The following CPED1 variants were observed in gnomAD, a reference collection of about 807,000 sequenced individuals.
CPED1 encodes cadherin-like and PC-esterase domain-containing protein 1.
Under a neutral mutation model 128.2 loss-of-function variants are expected in CPED1, and 114 were observed. The ratio of observed to expected loss-of-function variants is 0.89; its 90% CI spans 0.76 to 1.04. The LOEUF (loss-of-function observed/expected upper bound fraction) is 1.04. CPED1 is among the 50% of genes least tolerant of loss of function. The pLI, the probability that CPED1 is intolerant of heterozygous loss-of-function variation, is 0.00. For synonymous variants in CPED1, 462 were observed against 426.7 expected (o/e 1.08, Z -1.02); for missense variants, 1,211 against 1,207.1 (o/e 1.00, Z -0.05).
intron 7 of CPED1, among the ~76,000 whole-genome samples, chr7:121,118,001 C>T (rs944874295): frequency 1.3e-5 from 2 of 151,490 alleles, no homozygotes; most frequent in Non-Finnish European, 2.9e-5. Flanking sequence ...GGTAACAAAT[C>T]CTTCACAATT....
intron 5 of CPED1, among the ~76,000 whole-genome samples, chr7:121,093,138 C>T (rs141324757): frequency 1.3e-5 from 2 of 152,122 alleles, no homozygotes; most frequent in African/African-American, 4.8e-5. Context: ...TTTGCCATTT[C>T]TACCTACTGA....
At chr7:121,103,077 A>G (rs1794892885) in intron 7 of CPED1, among the ~76,000 whole-genome samples, 1 of 152,066 alleles carries the variant, frequency 6.6e-6, no homozygotes, top group Non-Finnish European at 1.5e-5. Flanking sequence ...GATAGTTTTT[A>G]TTTATGTATT....
At chr7:121,128,034 T>A (rs1276915681) in intron 10 of CPED1, among the ~76,000 whole-genome samples, 1 of 152,160 alleles carries the variant, frequency 6.6e-6, no homozygotes, top group Non-Finnish European at 1.5e-5. Flanking sequence ...AATGCTATTT[T>A]TTTTTAAGCA....
chr7:121,145,690 T>C (rs941210342), intron 16 of CPED1, among the ~76,000 whole-genome samples: 1 of 152,108 alleles, frequency 6.6e-6, no homozygotes, highest in Non-Finnish European at 1.5e-5. Flanking sequence ...ATTTCTCTTT[T>C]ATATTTAATC....
At chr7:121,084,195 AC>A (rs1230724278) in intron 5 of CPED1, among the ~76,000 whole-genome samples, 1 of 151,890 alleles carries the variant, frequency 6.6e-6, no homozygotes, top group African/African-American at 2.4e-5. Flanking sequence ...CAATTCTCTC[AC>A]TCCTATCAGA....
intron 7 of CPED1, among the ~76,000 whole-genome samples, chr7:121,117,924 CAAAAA>C (rs34781215): frequency 6.9e-6 from 1 of 145,630 alleles, no homozygotes; most frequent in African/African-American, 2.5e-5. Context: ...AAACATTTGC[CAAAAA>C]AAAAAAAAGA....
intron 18 of CPED1, among the ~76,000 whole-genome samples, chr7:121,248,380 G>A (rs78422657): frequency 0.038 from 5,742 of 152,118 alleles, 354 homozygotes; most frequent in African/African-American, 0.13. Context: ...TGATTAAAGG[G>A]GGCTCCCCAA....
At chr7:121,176,211 A>T (rs1292157504) in intron 16 of CPED1, among the ~76,000 whole-genome samples, 1 of 145,834 alleles carries the variant, frequency 6.9e-6, no homozygotes, top group Non-Finnish European at 1.5e-5. Context: ...AAAAAAAAAA[A>T]AAAAACACCT....
intron 5 of CPED1, among the ~76,000 whole-genome samples, chr7:121,096,105 ATTAAC>A (rs941169789): frequency 1.3e-5 from 2 of 152,146 alleles, no homozygotes; most frequent in African/African-American, 4.8e-5. Flanking sequence ...AGAAAAGAAA[ATTAAC>A]TTAATGGCTG....
chr7:121,261,490 CTA>C (rs1792014788), intron 18 of CPED1: 1 of 1,220,748 alleles, frequency 8.2e-7, no homozygotes, highest in African/African-American at 1.5e-5. Context: ...CACAACTTGA[CTA>C]TATTTCTCAG....
At chr7:121,030,709 C>A (rs1226499099) in intron 3 of CPED1, among the ~76,000 whole-genome samples, 1 of 151,882 alleles carries the variant, frequency 6.6e-6, no homozygotes, top group African/African-American at 2.4e-5. Context: ...TCTTAATGTG[C>A]CTAATTTATA....
chr7:121,179,004 C>T (rs1419737072), intron 16 of CPED1, among the ~76,000 whole-genome samples: 3 of 151,936 alleles, frequency 2.0e-5, no homozygotes, highest in Non-Finnish European at 4.4e-5. Flanking sequence ...AGTTTGGAGC[C>T]AGCACATACA....
intron 16 of CPED1, among the ~76,000 whole-genome samples, chr7:121,204,124 C>T (rs542508017): frequency 8.5e-5 from 13 of 152,204 alleles, no homozygotes; most frequent in South Asian, 4.2e-4. Context: ...AAACCTCTTT[C>T]GCCTATTTAA....
At chr7:121,292,207 CCTTTT>C (rs1792719175) in intron 22 of CPED1, among the ~76,000 whole-genome samples, 2 of 151,662 alleles carry the variant, frequency 1.3e-5, no homozygotes, top group African/African-American at 4.8e-5. Context: ...TTTGTTCATT[CCTTTT>C]CTTTTCATTC....
At chr7:121,227,510 A>G (rs1046855213) in intron 16 of CPED1, among the ~76,000 whole-genome samples, 4 of 152,112 alleles carry the variant, frequency 2.6e-5, no homozygotes, top group Non-Finnish European at 4.4e-5. Context: ...ATTTGTGTGG[A>G]GATGGAGTAA....
In CPED1 at chr7:121,133,857, C is replaced by A; in HGVS notation, c.1612C>A (p.Pro538Thr). Residue 538 changes from proline (P) to threonine (T), a missense_variant, in exon 13 of 23, where the codon CCA (proline) becomes ACA (threonine). Coordinates refer to ENST00000310396, the MANE Select transcript of CPED1 (RefSeq NM_024913.5). ...SFTEDKNIEK[P>T]QVPFDAIENK... ...CACAGAAGATAAGAACATTGAAAAACCACAAGTGCCATTTGATGCAATAGA... is the reference window on the plus strand; with the variant it reads ...CACAGAAGATAAGAACATTGAAAAAACACAAGTGCCATTTGATGCAATAGA... 6.3e-7 allele frequency: 1 copy of A among 1,598,882 alleles called. No individual in the cohort carries two copies. The highest frequency in any genetic ancestry group is 8.5e-7 in the Non-Finnish European group (1 of 1,169,842).
intron 16 of CPED1, among the ~76,000 whole-genome samples, chr7:121,222,752 C>T (rs1797911984): frequency 6.6e-6 from 1 of 152,250 alleles, no homozygotes; most frequent in Non-Finnish European, 1.5e-5. Context: ...ATTTGGCTCT[C>T]TGTTTGTCTG....
intron 3 of CPED1, among the ~76,000 whole-genome samples, chr7:121,044,577 T>C (rs1793139567): frequency 6.6e-6 from 1 of 150,560 alleles, no homozygotes; most frequent in Admixed American, 6.6e-5. Context: ...TTGTAAGTTA[T>C]CTTACTTTCT....
At chr7:121,229,118 A>G (rs767866060) in intron 16 of CPED1, among the ~76,000 whole-genome samples, 1 of 152,048 alleles carries the variant, frequency 6.6e-6, no homozygotes, top group Non-Finnish European at 1.5e-5. Context: ...TACTCAGATG[A>G]TGGACAACTT....
Sources: allele counts gnomAD v4.1 joint callset (sites outside exome capture counted in the v4.1 genomes callset), GRCh38; gene constraint gnomAD v4.1.1; transcripts MANE v1.5; gene names NCBI Gene and HGNC (gene_info 2026-07-23, HGNC 2026-07-21).